Variants in AGBL4 observed in about 807,000 individuals in gnomAD.
The protein encoded by AGBL4 is AGBL carboxypeptidase 4, also known as cytosolic carboxypeptidase 6.
A neutral mutation model predicts 66.4 loss-of-function variants in AGBL4; 58 were observed. The ratio of observed to expected loss-of-function variants is 0.87; its 90% CI spans 0.71 to 1.09. The LOEUF (loss-of-function observed/expected upper bound fraction) is 1.09. Ranked by LOEUF, AGBL4 falls within the 50% of genes least tolerant of loss-of-function variation. AGBL4 has a pLI of 0.00. For missense variants in AGBL4, 579 were observed against 631.0 expected (o/e 0.92, Z 0.88); for synonymous variants, 234 against 222.9 (o/e 1.05, Z -0.44).
At chr1:48,623,293 G>A (rs1038093470) in intron 9 of AGBL4, among the ~76,000 whole-genome samples, 1 of 152,196 alleles carries the variant, frequency 6.6e-6, no homozygotes, top group Non-Finnish European at 1.5e-5. Flanking sequence ...AAGACTTGCT[G>A]AGTGGTAGAG....
At chr1:49,396,054 T>C (rs1644967391) in intron 3 of AGBL4, among the ~76,000 whole-genome samples, 1 of 151,472 alleles carries the variant, frequency 6.6e-6, no homozygotes, top group Admixed American at 6.6e-5. Context: ...CAGAAAGTTA[T>C]ATAGCTGTCC....
At chr1:49,637,434 G>A (rs1645697515) in intron 3 of AGBL4, among the ~76,000 whole-genome samples, 1 of 151,882 alleles carries the variant, frequency 6.6e-6, no homozygotes, top group Non-Finnish European at 1.5e-5. Context: ...CTGAGTAGCT[G>A]GGATTACAGG....
chr1:49,562,662 G>T (rs1392836836), intron 3 of AGBL4, among the ~76,000 whole-genome samples: 1 of 151,980 alleles, frequency 6.6e-6, no homozygotes, highest in African/African-American at 2.4e-5. Flanking sequence ...TGTTCCATTG[G>T]TCTATATCTC....
chr1:48,613,687 A>G (rs1645275039), intron 9 of AGBL4, among the ~76,000 whole-genome samples: 1 of 152,140 alleles, frequency 6.6e-6, no homozygotes. Context: ...TAGGGGTGAC[A>G]CCTTTAGCCT....
At chr1:49,953,095 C>T (rs977129299) in intron 1 of AGBL4, among the ~76,000 whole-genome samples, 1 of 151,840 alleles carries the variant, frequency 6.6e-6, no homozygotes, top group Non-Finnish European at 1.5e-5. Context: ...AGAATGATAG[C>T]CATGAACAGA....
At chr1:49,581,178 T>G (rs887103787) in intron 3 of AGBL4, among the ~76,000 whole-genome samples, 1 of 152,126 alleles carries the variant, frequency 6.6e-6, no homozygotes, top group Admixed American at 6.5e-5. Flanking sequence ...AATGATATTT[T>G]CAGTTCCAGA....
chr1:49,767,388 T>TA (rs1385885085), intron 2 of AGBL4, among the ~76,000 whole-genome samples: 3 of 151,518 alleles, frequency 2.0e-5, no homozygotes, highest in African/African-American at 4.8e-5. Flanking sequence ...AAGGCAGAAA[T>TA]AAAAAAAATT....
chr1:49,948,153 TATACGTAA>T (rs1655579293), intron 1 of AGBL4, among the ~76,000 whole-genome samples: 1 of 103,436 alleles, frequency 9.7e-6, no homozygotes, highest in Non-Finnish European at 1.7e-5. Flanking sequence ...TATATATAAA[TATACGTAA>T]ATATATAAAT....
chr1:50,010,573 T>C (rs187127244), intron 1 of AGBL4, among the ~76,000 whole-genome samples: 2 of 151,852 alleles, frequency 1.3e-5, no homozygotes, highest in South Asian at 2.1e-4. Flanking sequence ...AATTATATGA[T>C]AGAGCTATAG....
At chr1:49,407,357 T>C (rs1033957751) in intron 3 of AGBL4, among the ~76,000 whole-genome samples, 10 of 152,212 alleles carry the variant, frequency 6.6e-5, no homozygotes, top group Middle Eastern at 3.2e-3. Context: ...CCACTGGCTC[T>C]TCTGGGTCTC....
At chr1:49,437,717 G>A (rs1044356199) in intron 3 of AGBL4, among the ~76,000 whole-genome samples, 12 of 151,522 alleles carry the variant, frequency 7.9e-5, no homozygotes, top group East Asian at 1.9e-4. Context: ...GCCTGAAAGC[G>A]TTATTTTTTG....
chr1:49,968,425 C>A (rs1358294525), intron 1 of AGBL4, among the ~76,000 whole-genome samples: 3 of 152,022 alleles, frequency 2.0e-5, no homozygotes, highest in African/African-American at 7.2e-5. Flanking sequence ...AGAGTGAAAG[C>A]CAATTCTATA....
chr1:49,558,205 T>C (rs1331489572), intron 3 of AGBL4, among the ~76,000 whole-genome samples: 1 of 151,900 alleles, frequency 6.6e-6, no homozygotes, highest in Non-Finnish European at 1.5e-5. Context: ...TTACCACCTG[T>C]GGTAGCTGTG....
intron 6 of AGBL4, among the ~76,000 whole-genome samples, chr1:48,810,128 A>G (rs1433301898): frequency 1.3e-5 from 2 of 152,102 alleles, no homozygotes; most frequent in Admixed American, 6.6e-5. Context: ...CACTCAACCA[A>G]TCAACTAATA....
rs376257319 is a variant in AGBL4, at chr1:49,451,723, C to T, written c.283-205859G>A. ...ATTGTATTCCTTTATGGACTAGGGT[C>T]TCCTCAGAGGCAGAGACTGAGTGTG... is the stretch of plus-strand genomic sequence containing the variant. On this transcript the variant is annotated intron_variant, in intron 3 of 13. Transcript: ENST00000371839. Among the ~76,000 whole-genome samples, 14 of 152,130 alleles carry T rather than the reference C, an allele frequency of 9.2e-5. No individual in the cohort carries two copies. The East Asian group carries it at 1.7e-3, about 19-fold the overall frequency.
chr1:48,778,889 A>AACTGT (rs1399607039), intron 6 of AGBL4, among the ~76,000 whole-genome samples: 1 of 152,102 alleles, frequency 6.6e-6, no homozygotes, highest in Non-Finnish European at 1.5e-5. Context: ...TTTTTAAACC[A>AACTGT]ACCCACTGGT....
intron 6 of AGBL4, among the ~76,000 whole-genome samples, chr1:48,772,402 C>T (rs972706385): frequency 2.0e-5 from 3 of 152,200 alleles, no homozygotes; most frequent in African/African-American, 7.2e-5. Context: ...CTACCTTCCC[C>T]ACCTGTAGGT....
intron 3 of AGBL4, among the ~76,000 whole-genome samples, chr1:49,250,821 G>A (rs1261933080): frequency 1.3e-5 from 2 of 152,144 alleles, no homozygotes; most frequent in Non-Finnish European, 2.9e-5. Flanking sequence ...ACTCTGGCAG[G>A]AGGAGAACCC....
At chr1:49,478,915 C>T (rs1646899267) in intron 3 of AGBL4, among the ~76,000 whole-genome samples, 1 of 151,768 alleles carries the variant, frequency 6.6e-6, no homozygotes, top group Admixed American at 6.6e-5. Flanking sequence ...AAGTTGTTAT[C>T]GGCTTATAAT....
Sources: gnomAD v4.1 joint callset for allele counts (sites outside exome capture counted in the v4.1 genomes callset) on GRCh38, gnomAD v4.1.1 for gene constraint, MANE v1.5 for transcripts, NCBI Gene and HGNC (gene_info 2026-07-23, HGNC 2026-07-21) for gene names.